LDHAL6A: variants seen among roughly 807,000 people sequenced by gnomAD.
LDHAL6A encodes the protein L-lactate dehydrogenase A-like 6A.
LDHAL6A carries 19 observed loss-of-function variants against 28.2 expected under a neutral mutation model. That is an observed-to-expected ratio of 0.67 (90% CI 0.47 to 0.99). The LOEUF is 0.99. Among genes scored for constraint, LDHAL6A ranks in the 50% least tolerant of loss-of-function variants. The pLI is 0.00. For missense variants in LDHAL6A, 372 were observed against 398.6 expected, an observed-to-expected ratio of 0.93 and a Z score of 0.57; for synonymous variants, 144 against 134.4, an observed-to-expected ratio of 1.07 and a Z score of -0.49.
intron 6 of LDHAL6A, 108 bp downstream of exon 6, chr11:18,477,851 C>G: frequency 1.0e-6 from 1 of 977,930 alleles, no homozygotes; most frequent in Non-Finnish European, 1.5e-6. Flanking sequence ...AAGCACCTCT[C>G]TTCCTGAAGT....
intron 3 of LDHAL6A, among the ~76,000 whole-genome samples, chr11:18,472,973 C>T (rs1293785038): frequency 6.6e-6 from 1 of 151,862 alleles, no homozygotes; most frequent in Non-Finnish European, 1.5e-5. Context: ...CTCTAAAAAC[C>T]ACCTATTTTG....
intron 1 of LDHAL6A, among the ~76,000 whole-genome samples, chr11:18,460,576 A>T (rs946017810): frequency 1.2e-4 from 17 of 147,626 alleles, no homozygotes; most frequent in Admixed American, 2.7e-4. Context: ...CTGGGCAACA[A>T]GAGCAGAAAC....
In LDHAL6A at chr11:18,478,744, C is replaced by T. The variant is rs769848149; in HGVS notation, c.873C>T (p.Val291=). The T allele has an allele frequency of 6.2e-7, 1 of 1,612,492 alleles. No homozygotes were observed. Among genetic ancestry groups the T allele is most frequent in the African/African-American group, 1.3e-5 (1 of 74,842 alleles). The change falls in exon 7 of 7, where the codon GTC becomes GTT. Residue 291 remains valine, a synonymous_variant. Transcript: ENST00000280706. ...YGINEDIFLS[V]PCILGENGIT... is the part of the protein sequence containing the mutation. ...TAAATGAAGACATATTCCTTAGTGT[C>T]CCATGTATCCTGGGAGAGAATGGTA...
chr11:18,475,014 G>C lies in LDHAL6A; in HGVS notation c.419-452G>C, dbSNP rs1190636498. ...CGAACACTTTGGGAGGCCAAGGTAGGTGAATCACCTGAGGTCAGGAGTTTG... is the reference window on the plus strand; with the variant it reads ...CGAACACTTTGGGAGGCCAAGGTAGCTGAATCACCTGAGGTCAGGAGTTTG... On this transcript the variant is annotated intron_variant, in intron 3 of 6. Transcript: ENST00000280706. 3.9e-5 allele frequency among the ~76,000 whole-genome samples: 6 copies of C among 152,270 alleles called. No individual in the cohort carries two copies. The East Asian group carries it at 1.2e-3, about 29-fold the overall frequency.
intron 3 of LDHAL6A, among the ~76,000 whole-genome samples, chr11:18,467,876 CACACAT>C (rs1370805814): frequency 0.015 from 501 of 33,490 alleles, 30 homozygotes; most frequent in African/African-American, 0.03. Context: ...TATATATATA[CACACAT>C]ATATATATAT....
Position 18,476,371 on chromosome 11 carries a change from GTC to G in LDHAL6A, c.593-9_593-8del. 6.2e-7 allele frequency: 1 copy of G among 1,607,992 alleles called. No individual in the cohort carries two copies. The highest frequency in any genetic ancestry group is 2.2e-5 in the East Asian group (1 of 44,762). On this transcript the variant is annotated splice_polypyrimidine_tract_variant and intron_variant, in intron 4 of 6. Coordinates refer to ENST00000280706, the MANE Select transcript of LDHAL6A (RefSeq NM_144972.5). Reference sequence around the variant, plus strand: ...CCATGTAAGAAGTGGGATTTTGGGTGTCTCTTTCTTAGTTCCTGTGTGGAGTG... The same window carrying G: ...CCATGTAAGAAGTGGGATTTTGGGTGTCTTTCTTAGTTCCTGTGTGGAGTG...
Position 18,465,949 on chromosome 11 carries a change from T to C in LDHAL6A, c.418+139T>C. On this transcript the variant is annotated intron_variant, in intron 3 of 6. Transcript: ENST00000280706. ...CCCAGGTACTGAGCAAAGTACCTAA[T>C]AGTTTTTCAGCCCTTGCTGCTCTCA... is the stretch of plus-strand genomic sequence containing the variant. The C allele has an allele frequency of 9.7e-6, 6 of 616,566 alleles. No individual in the cohort carries two copies. In the South Asian group the frequency reaches 1.5e-4, roughly 15 times the overall value. 38.2% of individuals were successfully genotyped at this position (616,566 alleles called of 1,614,324 possible).
At chr11:18,478,632 C>A in intron 6 of LDHAL6A, 74 bp from the exon 7 acceptor site, 2 of 1,173,324 alleles carry the variant, frequency 1.7e-6, no homozygotes, top group Non-Finnish European at 2.5e-6. Context: ...GTTATTCATT[C>A]ACCTCCCAAC....
At chr11:18,470,290 G>A (rs1849226601) in intron 3 of LDHAL6A, among the ~76,000 whole-genome samples, 1 of 152,226 alleles carries the variant, frequency 6.6e-6, no homozygotes, top group Admixed American at 6.5e-5. Context: ...TCTGGGTAGA[G>A]AGGGGTTTCT....
At chr11:18,463,883 C>T in intron 1 of LDHAL6A, 78 bp from the exon 2 acceptor site, 4 of 850,724 alleles carry the variant, frequency 4.7e-6, no homozygotes, top group Non-Finnish European at 8.1e-6. Context: ...ACATAGATCA[C>T]CAATATAAGA....
rs200224050 is a variant in LDHAL6A, at chr11:18,471,858, A to ATT, written c.419-3593_419-3592dup. On this transcript the variant is annotated intron_variant, in intron 3 of 6. Transcript: ENST00000280706. ...AATTGTTGATTTAAGAGTATTTAGG[A>ATT]TTTTTTTTTTTTTTTTACAAATTAA... is the stretch of plus-strand genomic sequence containing the variant. 8.0e-3 allele frequency among the ~76,000 whole-genome samples: 1,116 copies of ATT among 139,092 alleles called. 9 individuals carry two copies. Among genetic ancestry groups the ATT allele is most frequent in the African/African-American group, 0.028 (1,053 of 38,154 alleles). 91.2% of individuals were successfully genotyped at this position (139,092 alleles called of 152,430 possible).
intron 3 of LDHAL6A, 196 bp from the exon 4 acceptor site, chr11:18,475,260 CTGTGCAAAGT>C: frequency 2.2e-6 from 1 of 457,462 alleles, no homozygotes; most frequent in Admixed American, 3.8e-5. Flanking sequence ...GCATACCAAG[CTGTGCAAAGT>C]ATCAACGAAA....
At position 18,478,337 on chromosome 11, in the gene LDHAL6A, G is replaced by A. The variant is rs369269869; in HGVS notation, c.835-369G>A. ...GCCCCAGCAAACATGGCAGGAGGCT[G>A]GGGCCTATATGGAGAGATGGTGGGT... On this transcript the variant is annotated intron_variant, in intron 6 of 6. Coordinates refer to ENST00000280706, the MANE Select transcript of LDHAL6A (RefSeq NM_144972.5). Among the ~76,000 whole-genome samples the A allele has an allele frequency of 2.0e-5, 3 of 152,180 alleles. No homozygotes were observed. The East Asian group carries it at 5.8e-4, about 29-fold the overall frequency.
intron 3 of LDHAL6A, among the ~76,000 whole-genome samples, chr11:18,466,988 G>A (rs79648928): frequency 0.038 from 5,735 of 152,242 alleles, 254 homozygotes; most frequent in East Asian, 0.2. Flanking sequence ...AACTGGGTTG[G>A]TAAATTTACT....
chr11:18,460,594 C>CAAAAAAAAAAAAA (rs34780803), intron 1 of LDHAL6A, among the ~76,000 whole-genome samples: 2 of 90,324 alleles, frequency 2.2e-5, no homozygotes, highest in African/African-American at 7.7e-5. Flanking sequence ...AACTCCGTCT[C>CAAAAAAAAAAAAA]AAAAAAAAAA....
At position 18,456,699 on chromosome 11, in the gene LDHAL6A, G is replaced by T. The variant is rs771461323; in HGVS notation, c.19G>T (p.Glu7Ter). The change falls in exon 1 of 7, where the codon GAA becomes TAA. Residue 7 changes from glutamate (E) to a stop codon, truncating the protein, a stop_gained. Transcript: ENST00000280706. LOFTEE classifies it high-confidence loss of function. MATIKS[E>*]LIKNFAEEEA... ...TTCCAAGATGGCAACTATCAAGAGT[G>T]AACTTATTAAGAATTTCGCGGAAGA... The T allele has an allele frequency of 2.5e-6, 4 of 1,614,028 alleles. No individual in the cohort carries two copies. The South Asian group carries it at 4.4e-5, about 18-fold the overall frequency.
At chr11:18,468,335 GT>G (rs536487127) in intron 3 of LDHAL6A, 58 of 142,514 alleles carry the variant, frequency 4.1e-4, no homozygotes, top group East Asian at 1.8e-3. Flanking sequence ...GGATGTATAG[GT>G]TTTTTTTTTT....
At position 18,478,894 on chromosome 11, in the gene LDHAL6A, G is replaced by A; in HGVS notation, c.*24G>A. 6.4e-7 allele frequency: 1 copy of A among 1,570,404 alleles called. No individual in the cohort carries two copies. The highest frequency in any genetic ancestry group is 1.1e-5 in the South Asian group (1 of 87,868). ...AAAGTTGCTTAAAGCTAATTCTGTA[G>A]ATTGAAGATGAAATAGTAGTTATGG... On this transcript the variant is annotated 3_prime_UTR_variant, in exon 7 of 7. Transcript: ENST00000280706.
intron 1 of LDHAL6A, 41 bp from the exon 2 acceptor site, chr11:18,463,920 A>G (rs1848984979): frequency 7.9e-7 from 1 of 1,259,954 alleles, no homozygotes; most frequent in Non-Finnish European, 1.2e-6. Flanking sequence ...CAGTTAATCA[A>G]GAGATACACT....
Sources: gnomAD v4.1 joint callset for allele counts (sites outside exome capture counted in the v4.1 genomes callset) on GRCh38, gnomAD v4.1.1 for gene constraint, MANE v1.5 for transcripts, NCBI Gene and HGNC (gene_info 2026-07-23, HGNC 2026-07-21) for gene names.